FLNC: variants seen among roughly 807,000 people sequenced by gnomAD.
FLNC encodes filamin-C.
In FLNC, 91 loss-of-function variants were observed where a neutral mutation model predicts 254.3. That is an observed-to-expected ratio of 0.36 (90% confidence interval 0.30 to 0.43). The LOEUF (loss-of-function observed/expected upper bound fraction) is 0.43, where lower values mean the gene tolerates loss of function less well. Among genes scored for constraint, FLNC ranks in the 20% least tolerant of loss-of-function variants. The pLI is 1.00. For missense variants in FLNC, 2,853 were observed against 3,802.6 expected (o/e 0.75, Z 6.57); for synonymous variants, 1,430 against 1,577.2 (o/e 0.91, Z 2.21).
In FLNC at chr7:128,857,114, C is replaced by T. The variant is rs1809097044; in HGVS notation, c.7562-4C>T. On this transcript the variant is annotated splice_region_variant and splice_polypyrimidine_tract_variant and intron_variant, in intron 45 of 47. Coordinates refer to ENST00000325888, the MANE Select transcript of FLNC (RefSeq NM_001458.5). This position sits in a 1 kb window ranked among gnomAD's most constrained non-coding sequence, Gnocchi z 4.5. The stretch of plus-strand genomic sequence containing the variant: ...CCCTCAGCCTTGCTACCTCTGGCCC[C>T]CAGGTGTGTCATCAGAGTTCATCGT... The T allele has an allele frequency of 6.2e-7, 1 of 1,613,844 alleles. No individual in the cohort carries two copies. The highest frequency in any genetic ancestry group is 1.3e-5 in the African/African-American group (1 of 74,922).
Position 128,846,783 on chromosome 7 carries a change from G to T in FLNC, c.4166G>T (p.Gly1389Val). The change falls in exon 24 of 48, where the codon GGT (glycine) becomes GTT (valine). Residue 1389 changes from glycine to valine, a missense_variant. Coordinates refer to ENST00000325888, the MANE Select transcript of FLNC (RefSeq NM_001458.5). ...GGGGGCCTTGGCCTAGCCATCGAGGGTCCCTCGGAAGCCAAGATGTCCTGC... is the reference window on the plus strand; with the variant it reads ...GGGGGCCTTGGCCTAGCCATCGAGGTTCCCTCGGAAGCCAAGATGTCCTGC... ...GTGGLGLAIE[G>V]PSEAKMSCKD... 5.0e-6 allele frequency: 8 copies of T among 1,614,186 alleles called. No homozygotes were observed. The highest frequency in any genetic ancestry group is 6.8e-6 in the Non-Finnish European group (8 of 1,180,022).
At chr7:128,843,162 C>A in intron 16 of FLNC, 67 bp from the exon 17 acceptor site, 1 of 1,481,842 alleles carries the variant, frequency 6.7e-7, no homozygotes, top group Non-Finnish European at 9.2e-7. Context: ...TGTCCTGAGC[C>A]AGCATCTAGC....
At chr7:128,853,382 G>T in intron 37 of FLNC, 87 bp from the exon 38 acceptor site, 1 of 1,545,332 alleles carries the variant, frequency 6.5e-7, no homozygotes, top group South Asian at 1.1e-5. Context: ...TGCCCATTCT[G>T]GGTGGAGCCT....
chr7:128,854,330 G>A, intron 40 of FLNC, 83 bp from the exon 41 acceptor site: 1 of 1,598,594 alleles, frequency 6.3e-7, no homozygotes, highest in South Asian at 1.1e-5. Context: ...CTGAGCAGAG[G>A]AGGAGGTTTA....
Position 128,842,070 on chromosome 7 carries a change from C to T in FLNC, c.2122-161C>T, listed in dbSNP as rs1309025113. On this transcript the variant is annotated intron_variant, in intron 13 of 47. Transcript: ENST00000325888. The surrounding 1 kb of genome is among the most constrained non-coding windows in gnomAD (Gnocchi z 5.4). ...AGGCTCCCAGGGTGGGCTCTGGCCG[C>T]CAGAGCACGTGGCCCTGGGCTCTGG... Among the ~76,000 whole-genome samples, 6 of 152,042 alleles carry T rather than the reference C, an allele frequency of 3.9e-5. No homozygotes were observed.
Position 128,841,518 on chromosome 7 carries a change from C to T in FLNC, c.2072C>T (p.Thr691Ile), listed in dbSNP as rs2128935358. ...ATCGTGGACAAGCCCGCTGAGTTCA[C>T]CATTGATGCTCGTGCAGCTGGCAAG... is the stretch of plus-strand genomic sequence containing the variant. Reference protein sequence around the residue: ...GCIVDKPAEFTIDARAAGKGD... With the variant: ...GCIVDKPAEFIIDARAAGKGD... The change falls in exon 13 of 48, where the codon ACC becomes ATC. Residue 691 changes from threonine to isoleucine, a missense_variant. Physicochemically the swap from Thr to Ile is moderately conservative, Grantham distance 89 (BLOSUM62 -1). Coordinates refer to ENST00000325888, the MANE Select transcript of FLNC (RefSeq NM_001458.5). The surrounding 1 kb of genome is among the most constrained non-coding windows in gnomAD (Gnocchi z 4.3). The T allele has an allele frequency of 6.2e-7, 1 of 1,614,202 alleles. No homozygotes were observed. The highest frequency in any genetic ancestry group is 8.5e-7 in the Non-Finnish European group (1 of 1,180,016).
At position 128,841,005 on chromosome 7, in the gene FLNC, C is replaced by T. The variant is rs749505045; in HGVS notation, c.1813+35C>T. ...TGGGGGGCAGGAGGAGGGAGTGCTG[C>T]GGGGGAGGGCAGCAGGGGACACTGT... On this transcript the variant is annotated intron_variant, in intron 11 of 47. Coordinates refer to ENST00000325888, the MANE Select transcript of FLNC (RefSeq NM_001458.5). This position sits in a 1 kb window ranked among gnomAD's most constrained non-coding sequence, Gnocchi z 4.3. 148 of 1,571,234 alleles carry T rather than the reference C, an allele frequency of 9.4e-5. No individual in the cohort carries two copies. The highest frequency in any genetic ancestry group is 3.0e-4 in the South Asian group (26 of 87,788).
At position 128,844,667 on chromosome 7, in the gene FLNC, T is replaced by A; in HGVS notation, c.3202T>A (p.Tyr1068Asn). The change falls in exon 21 of 48, where the codon TAT (tyrosine) becomes AAT (asparagine). Residue 1068 changes from tyrosine to asparagine, a missense_variant. Tyr to Asn is a moderately radical substitution (Grantham distance 143). Coordinates refer to ENST00000325888, the MANE Select transcript of FLNC (RefSeq NM_001458.5). ...CTGCCTCTTCCCCTAGGTCTGTGCT[T>A]ATGGCCCGGGTCTCAAGGGTGGACT... ...LPPDPSKVCA[Y>N]GPGLKGGLVG... The A allele has an allele frequency of 6.2e-7, 1 of 1,612,234 alleles. No homozygotes were observed. The highest frequency in any genetic ancestry group is 8.5e-7 in the Non-Finnish European group (1 of 1,179,998).
Position 128,841,521 on chromosome 7 carries a change from T to C in FLNC, c.2075T>C (p.Ile692Thr), listed in dbSNP as rs538863259. Residue 692 changes from isoleucine to threonine, a missense_variant, in exon 13 of 48, where the codon ATT becomes ACT. Coordinates refer to ENST00000325888, the MANE Select transcript of FLNC (RefSeq NM_001458.5). This position sits in a 1 kb window ranked among gnomAD's most constrained non-coding sequence, Gnocchi z 4.3. ...GTGGACAAGCCCGCTGAGTTCACCATTGATGCTCGTGCAGCTGGCAAGGGA... is the reference window on the plus strand; with the variant it reads ...GTGGACAAGCCCGCTGAGTTCACCACTGATGCTCGTGCAGCTGGCAAGGGA... Reference protein sequence around the residue: ...CIVDKPAEFTIDARAAGKGDL... With the variant: ...CIVDKPAEFTTDARAAGKGDL... The C allele has an allele frequency of 4.2e-5, 68 of 1,614,196 alleles. No individual in the cohort carries two copies. The highest frequency in any genetic ancestry group is 1.6e-4 in the Middle Eastern group (1 of 6,062).
rs771719713 is a variant in FLNC at position 128,844,720 on chromosome 7, C to T, written c.3255C>T (p.Ile1085=). 13 of 1,613,826 alleles carry T rather than the reference C, an allele frequency of 8.1e-6. No homozygotes were observed. Among genetic ancestry groups the T allele is most frequent in the South Asian group, 1.1e-5 (1 of 91,078 alleles). ...TAGGCACCCCCGCGCCATTCTCCATCGACACCAAGGGGGCTGGCACAGGTG... is the reference window on the plus strand; with the variant it reads ...TAGGCACCCCCGCGCCATTCTCCATTGACACCAAGGGGGCTGGCACAGGTG... The part of the protein sequence containing the change: ...GLVGTPAPFS[I]DTKGAGTGGL... Residue 1085 remains isoleucine (I), a synonymous_variant, in exon 21 of 48, where the codon ATC becomes ATT. Transcript: ENST00000325888.
At chr7:128,832,210 C>T (rs1807920091) in intron 1 of FLNC, among the ~76,000 whole-genome samples, 2 of 152,136 alleles carry the variant, frequency 1.3e-5, no homozygotes, top group African/African-American at 2.4e-5. Context: ...CCCTCCTGCC[C>T]CAATACTGCC....
At chr7:128,843,702 A>C in intron 18 of FLNC, 94 bp from the exon 19 acceptor site, 1 of 1,485,024 alleles carries the variant, frequency 6.7e-7, no homozygotes, top group Non-Finnish European at 9.4e-7. Context: ...CCTCACTCTC[A>C]TGGTGGATCT....
chr7:128,850,242 T>C (rs1753430836), intron 31 of FLNC, 142 bp from the exon 32 acceptor site: 2 of 933,556 alleles, frequency 2.1e-6, no homozygotes, highest in African/African-American at 1.6e-5. Flanking sequence ...ACTCCTTCTC[T>C]TGCAGCTGAC....
At chr7:128,833,042 C>T (rs1451332917) in intron 1 of FLNC, among the ~76,000 whole-genome samples, 2 of 152,198 alleles carry the variant, frequency 1.3e-5, no homozygotes, top group Non-Finnish European at 2.9e-5. Flanking sequence ...GGAGGGAAGT[C>T]AGGGTCTGGA....
At chr7:128,855,385 C>G in intron 43 of FLNC, 71 bp downstream of exon 43, 1 of 985,876 alleles carries the variant, frequency 1.0e-6, no homozygotes, top group East Asian at 2.4e-5. Context: ...GACAGCAGGT[C>G]CATGGGGCCA....
At chr7:128,847,902 C>T (rs773665904) in intron 25 of FLNC, 38 bp downstream of exon 25, 43 of 1,613,430 alleles carry the variant, frequency 2.7e-5, no homozygotes, top group Non-Finnish European at 3.4e-5. Flanking sequence ...GGAGGTGGGG[C>T]GGGACGCCCG....
chr7:128,842,828 C>T lies in FLNC; in HGVS notation c.2424C>T (p.Gly808=), dbSNP rs764991202. 6.8e-6 allele frequency: 11 copies of T among 1,613,774 alleles called. No individual in the cohort carries two copies. Among genetic ancestry groups the T allele is most frequent in the Admixed American group, 5.0e-5 (3 of 60,012 alleles). ...DVSIGIKCAP[G]VVGPAEADID... is the part of the protein sequence containing the mutation. ...GCATCGGCATCAAGTGCGCCCCAGGCGTGGTGGGCCCTGCAGAGGCTGACA... is the reference window on the plus strand; with the variant it reads ...GCATCGGCATCAAGTGCGCCCCAGGTGTGGTGGGCCCTGCAGAGGCTGACA... Residue 808 remains glycine, a synonymous_variant, in exon 16 of 48, where the codon GGC becomes GGT. Coordinates refer to ENST00000325888, the MANE Select transcript of FLNC (RefSeq NM_001458.5). This position sits in a 1 kb window ranked among gnomAD's most constrained non-coding sequence, Gnocchi z 5.4.
At position 128,850,795 on chromosome 7, in the gene FLNC, C is replaced by T. The variant is rs575189613; in HGVS notation, c.5399-8C>T. 24 of 1,613,712 alleles carry T rather than the reference C, an allele frequency of 1.5e-5. No individual in the cohort carries two copies. Among genetic ancestry groups the T allele is most frequent in the Non-Finnish European group, 1.9e-5 (23 of 1,180,020 alleles). On this transcript the variant is annotated splice_polypyrimidine_tract_variant and splice_region_variant and intron_variant, in intron 32 of 47. Coordinates refer to ENST00000325888, the MANE Select transcript of FLNC (RefSeq NM_001458.5). ...CAGGGTCTCCACGTAACTGTGTCTG[C>T]CCTGCAGGAGAGGTGCGGATGCCCT...
chr7:128,850,389 A>G lies in FLNC; in HGVS notation c.5304A>G (p.Thr1768=). ...TTCCCTCTCACCTGCTGCAGGCCACAGAGGAGCCAGTGGTGCCTGTGGAGC... is the reference window on the plus strand; with the variant it reads ...TTCCCTCTCACCTGCTGCAGGCCACGGAGGAGCCAGTGGTGCCTGTGGAGC... ...RPGARPTHWA[T]EEPVVPVEPM... Residue 1768 remains threonine (T), a synonymous_variant, in exon 32 of 48, where the codon ACA becomes ACG. Transcript: ENST00000325888. 2 of 1,613,616 alleles carry G rather than the reference A, an allele frequency of 1.2e-6. No individual in the cohort carries two copies. Among genetic ancestry groups the G allele is most frequent in the Non-Finnish European group, 1.7e-6 (2 of 1,179,600 alleles).
Sources: allele counts gnomAD v4.1 joint callset (sites outside exome capture counted in the v4.1 genomes callset), GRCh38; gene constraint gnomAD v4.1.1; non-coding constraint Gnocchi (gnomAD v3.1); transcripts MANE v1.5; gene names NCBI Gene and HGNC (gene_info 2026-07-23, HGNC 2026-07-21).